CCDC91: variants seen among roughly 807,000 people sequenced by gnomAD.
CCDC91 encodes the protein coiled-coil domain containing 91, also known as coiled-coil domain-containing protein 91.
A neutral mutation model predicts 63.2 loss-of-function variants in CCDC91; 48 were observed. The observed-to-expected ratio is 0.76, with a 90% CI of 0.60 to 0.97. The LOEUF (loss-of-function observed/expected upper bound fraction) is 0.97, where lower values mean the gene tolerates loss of function less well. CCDC91 is among the 50% of genes least tolerant of loss of function. The pLI is 0.00. For synonymous variants in CCDC91, 167 were observed against 165.8 expected (o/e 1.01, Z -0.06); for missense variants, 500 against 494.6 (o/e 1.01, Z -0.10).
chr12:28,396,138 T>G (rs1297835761), intron 8 of CCDC91, among the ~76,000 whole-genome samples: 1 of 152,202 alleles, frequency 6.6e-6, no homozygotes, highest in Non-Finnish European at 1.5e-5. Context: ...CTTATAGGAC[T>G]AATGATGAGT....
At chr12:28,211,487 C>A (rs1200521320) in intron 1 of CCDC91, among the ~76,000 whole-genome samples, 2 of 152,108 alleles carry the variant, frequency 1.3e-5, no homozygotes, top group Admixed American at 6.5e-5. Context: ...ATCCCTAAAT[C>A]TTTTTTAGAA....
At chr12:28,275,750 G>A (rs1948164770) in intron 3 of CCDC91, among the ~76,000 whole-genome samples, 1 of 152,090 alleles carries the variant, frequency 6.6e-6, no homozygotes, top group African/African-American at 2.4e-5. Context: ...AAATCCAGCA[G>A]CACATCAAAA....
intron 8 of CCDC91, among the ~76,000 whole-genome samples, chr12:28,435,520 A>AT (rs1193128212): frequency 6.6e-6 from 1 of 151,786 alleles, no homozygotes; most frequent in Non-Finnish European, 1.5e-5. Flanking sequence ...GGTTTGTTTT[A>AT]TGGCTTAGAA....
chr12:28,423,083 A>C (rs1948107818), intron 8 of CCDC91, among the ~76,000 whole-genome samples: 1 of 152,096 alleles, frequency 6.6e-6, no homozygotes, highest in South Asian at 2.1e-4. Flanking sequence ...AAAATACAAC[A>C]GTTGTGCACC....
intron 7 of CCDC91, among the ~76,000 whole-genome samples, chr12:28,371,801 C>T (rs550667735): frequency 4.6e-5 from 7 of 152,278 alleles, no homozygotes; most frequent in Admixed American, 3.9e-4. Flanking sequence ...CTCAGATTTT[C>T]GTATCCTAAA....
At chr12:28,452,407 A>T in intron 10 of CCDC91, 71 bp from the exon 11 acceptor site, 1 of 1,083,732 alleles carries the variant, frequency 9.2e-7, no homozygotes, top group South Asian at 1.5e-5. Context: ...CTTTTAGGTT[A>T]ACCAAGTCTG....
chr12:28,452,863 A>G (rs1297971340), intron 11 of CCDC91, among the ~76,000 whole-genome samples: 2 of 151,798 alleles, frequency 1.3e-5, no homozygotes, highest in African/African-American at 4.8e-5. Context: ...TTGAAAACTT[A>G]GTAACTGACC....
intron 6 of CCDC91, among the ~76,000 whole-genome samples, chr12:28,327,299 A>G (rs778456687): frequency 3.9e-5 from 6 of 152,108 alleles, no homozygotes; most frequent in Non-Finnish European, 8.8e-5. Context: ...GCACAGGTGA[A>G]TGCTGGCAGC....
chr12:28,316,762 G>T (rs1939933533), intron 6 of CCDC91, among the ~76,000 whole-genome samples: 1 of 149,560 alleles, frequency 6.7e-6, no homozygotes. Context: ...CTGTGTTTTT[G>T]TCTGATAAAA....
intron 6 of CCDC91, among the ~76,000 whole-genome samples, chr12:28,346,019 T>C (rs748438331): frequency 8.5e-5 from 13 of 152,196 alleles, no homozygotes; most frequent in Non-Finnish European, 1.3e-4. Flanking sequence ...TTTTTTTCCA[T>C]GCAATTTTTT....
In CCDC91 at chr12:28,406,670, GTCTTA is replaced by G. The variant is rs924111270; in HGVS notation, c.762+15262_762+15266del. 5.1e-4 allele frequency among the ~76,000 whole-genome samples: 77 copies of G among 152,192 alleles called. 1 individual carries two copies. Among genetic ancestry groups the G allele is most frequent in the African/African-American group, 1.8e-3 (74 of 41,528 alleles). On this transcript the variant is annotated intron_variant, in intron 8 of 12. Transcript: ENST00000536442. ...TTTCTTCTGTGGTTATAATTTGGGT[GTCTTA>G]TCCAAGAAACCATTGCCTAACTCAA... is the stretch of plus-strand genomic sequence containing the variant.
At chr12:28,309,141 A>G (rs370958475) in intron 6 of CCDC91, among the ~76,000 whole-genome samples, 29 of 152,116 alleles carry the variant, frequency 1.9e-4, no homozygotes, top group East Asian at 1.7e-3. Flanking sequence ...CCTCCTGTAG[A>G]TAAGTTTCTT....
intron 6 of CCDC91, among the ~76,000 whole-genome samples, chr12:28,361,890 G>A (rs1391281336): frequency 2.8e-5 from 4 of 142,192 alleles, no homozygotes; most frequent in Non-Finnish European, 6.2e-5. Context: ...GGGGGCGGGA[G>A]GGGGTGTTTC....
At chr12:28,501,238 A>G (rs899296486) in intron 12 of CCDC91, among the ~76,000 whole-genome samples, 3 of 151,882 alleles carry the variant, frequency 2.0e-5, no homozygotes, top group Admixed American at 6.6e-5. Flanking sequence ...AACTTCCAAC[A>G]CTATGTTGAA....
chr12:28,321,552 A>G (rs1367467078), intron 6 of CCDC91, among the ~76,000 whole-genome samples: 3 of 151,864 alleles, frequency 2.0e-5, no homozygotes, highest in African/African-American at 7.2e-5. Context: ...AATTAGGTTT[A>G]GATGAAGTCA....
chr12:28,194,775 G>A (rs1482647877), intron 1 of CCDC91, among the ~76,000 whole-genome samples: 1 of 151,870 alleles, frequency 6.6e-6, no homozygotes, highest in African/African-American at 2.4e-5. Flanking sequence ...GGTCTCGCTG[G>A]CCTCAGGAGT....
At chr12:28,420,079 C>G (rs1947911625) in intron 8 of CCDC91, among the ~76,000 whole-genome samples, 1 of 152,004 alleles carries the variant, frequency 6.6e-6, no homozygotes, top group African/African-American at 2.4e-5. Context: ...TGGAAAACCA[C>G]TGTAAGATAG....
intron 8 of CCDC91, among the ~76,000 whole-genome samples, chr12:28,431,840 T>C (rs1354741927): frequency 1.3e-5 from 2 of 152,122 alleles, no homozygotes; most frequent in Admixed American, 6.6e-5. Context: ...TAATGTAATA[T>C]GATACAAAAT....
At chr12:28,338,243 T>G (rs1942140127) in intron 6 of CCDC91, among the ~76,000 whole-genome samples, 1 of 129,466 alleles carries the variant, frequency 7.7e-6, no homozygotes, top group Non-Finnish European at 1.7e-5. Flanking sequence ...AGTACAGGTA[T>G]TGGCCCTTAT....
Sources: allele counts gnomAD v4.1 joint callset (sites outside exome capture counted in the v4.1 genomes callset), GRCh38; gene constraint gnomAD v4.1.1; transcripts MANE v1.5; gene names NCBI Gene and HGNC (gene_info 2026-07-23, HGNC 2026-07-21).